LINGO2: variants seen among roughly 807,000 people sequenced by gnomAD.
LINGO2 encodes leucine rich repeat and Ig domain containing 2.
Under a neutral mutation model 30.6 loss-of-function variants are expected in LINGO2, and 14 were observed. The observed-to-expected ratio is 0.46, with a 90% CI of 0.30 to 0.72. The LOEUF is 0.72. Among genes scored for constraint, LINGO2 ranks in the 30% least tolerant of loss-of-function variants. LINGO2 has a pLI of 0.07. For missense variants in LINGO2, 729 were observed against 751.7 expected, an observed-to-expected ratio of 0.97 and a Z score of 0.35; for synonymous variants, 317 against 288.5, an observed-to-expected ratio of 1.10 and a Z score of -1.00.
rs1825346536 is a variant in LINGO2, at chr9:28,329,542, A to G, written c.-245-34176T>C. Among the ~76,000 whole-genome samples, 1 of 152,156 alleles carries G rather than the reference A, an allele frequency of 6.6e-6. No individual in the cohort carries two copies. The highest frequency in any genetic ancestry group is 2.1e-4 in the South Asian group (1 of 4,828). On this transcript the variant is annotated intron_variant, in intron 3 of 5. Transcript: ENST00000379992. The surrounding 1 kb of genome is among the most constrained non-coding windows in gnomAD (Gnocchi z 4.5). ...GACTCCTGGTACAACATGCATGTTC[A>G]GACTTGTTTGAGCCAGGGCTTCGGT...
chr9:28,217,108 T>A (rs561256707), intron 4 of LINGO2, among the ~76,000 whole-genome samples: 17 of 150,352 alleles, frequency 1.1e-4, no homozygotes, highest in Non-Finnish European at 2.2e-4. Context: ...ATATAATATG[T>A]AATATACTAA....
Position 28,045,135 on chromosome 9 carries a change from A to C in LINGO2, c.-86-32730T>G, listed in dbSNP as rs558951020. On this transcript the variant is annotated intron_variant, in intron 4 of 5. Transcript: ENST00000379992. ...CCCCCCATCCTTATGATCCCACATA[A>C]GCCATTTTCCGGTCCATTCCCACCA... Among the ~76,000 whole-genome samples, 3 of 152,100 alleles carry C rather than the reference A, an allele frequency of 2.0e-5. No individual in the cohort carries two copies. The South Asian group carries it at 6.2e-4, about 32-fold the overall frequency.
intron 1 of LINGO2, among the ~76,000 whole-genome samples, chr9:28,656,923 G>A (rs1828370755): frequency 6.6e-6 from 1 of 152,018 alleles, no homozygotes; most frequent in African/African-American, 2.4e-5. Flanking sequence ...GAGGAAGACA[G>A]ACAACAAATA....
intron 3 of LINGO2, among the ~76,000 whole-genome samples, chr9:28,368,594 CTTTTTT>C (rs60310040): frequency 2.5e-4 from 31 of 123,630 alleles, no homozygotes; most frequent in Non-Finnish European, 4.9e-4. Context: ...CTTTTCTTTT[CTTTTTT>C]TTTTTTTTCT....
At chr9:28,201,184 G>A (rs1464283269) in intron 4 of LINGO2, among the ~76,000 whole-genome samples, 77 of 147,220 alleles carry the variant, frequency 5.2e-4, no homozygotes, top group Non-Finnish European at 8.5e-4. Flanking sequence ...CCACTAACTC[G>A]TCATCTAGCA....
the LINGO2 span, among the ~76,000 whole-genome samples, chr9:28,702,522 C>A: frequency 6.6e-6 from 1 of 151,758 alleles, no homozygotes; most frequent in East Asian, 1.9e-4. Context: ...TTATAAATTG[C>A]TGTATTCAAT....
At chr9:28,549,450 T>C (rs1311104059) in intron 1 of LINGO2, among the ~76,000 whole-genome samples, 5 of 152,022 alleles carry the variant, frequency 3.3e-5, no homozygotes, top group Non-Finnish European at 5.9e-5. Context: ...TGACTGAGCA[T>C]GTGCTCAGTG....
chr9:28,153,178 C>T (rs1828044723), intron 4 of LINGO2, among the ~76,000 whole-genome samples: 2 of 152,144 alleles, frequency 1.3e-5, no homozygotes, highest in Non-Finnish European at 2.9e-5. Context: ...TTTGGCATAT[C>T]TAGTAAAATA....
chr9:29,111,938 A>ATATATTTATATATT, the LINGO2 span, among the ~76,000 whole-genome samples: 1 of 66,782 alleles, frequency 1.5e-5, no homozygotes, highest in African/African-American at 6.0e-5. Context: ...TGTATATATA[A>ATATATTTATATATT]TGTATTTAAT....
chr9:28,181,538 T>C (rs1341994811), intron 4 of LINGO2, among the ~76,000 whole-genome samples: 4 of 152,126 alleles, frequency 2.6e-5, no homozygotes, highest in Admixed American at 2.6e-4. Flanking sequence ...CCAGCAATGG[T>C]GTGTTAATAA....
At chr9:28,223,156 G>C (rs925701079) in intron 4 of LINGO2, among the ~76,000 whole-genome samples, 1 of 152,184 alleles carries the variant, frequency 6.6e-6, no homozygotes, top group African/African-American at 2.4e-5. Flanking sequence ...ATGTCCATTT[G>C]TGCTTCTGTA....
chr9:29,032,427 A>ATCTGTATTTT, the LINGO2 span, among the ~76,000 whole-genome samples: 1 of 152,154 alleles, frequency 6.6e-6, no homozygotes, highest in South Asian at 2.1e-4. Context: ...ACTACTTTTT[A>ATCTGTATTTT]AAATGTAGTA....
intron 1 of LINGO2, among the ~76,000 whole-genome samples, chr9:28,661,237 T>C (rs967982850): frequency 2.0e-5 from 3 of 152,170 alleles, no homozygotes; most frequent in African/African-American, 7.2e-5. Flanking sequence ...CTATCCATTC[T>C]GTGAATTTGT....
At chr9:28,054,449 G>C (rs751756794) in intron 4 of LINGO2, among the ~76,000 whole-genome samples, 2 of 152,100 alleles carry the variant, frequency 1.3e-5, no homozygotes, top group African/African-American at 4.8e-5. Flanking sequence ...CTGCTATACT[G>C]ACATATATAC....
chr9:28,995,631 C>A, the LINGO2 span, among the ~76,000 whole-genome samples: 1 of 152,078 alleles, frequency 6.6e-6, no homozygotes, highest in East Asian at 1.9e-4. Flanking sequence ...AAATGTCCAA[C>A]AATGACAGAC....
At chr9:29,095,683 A>G in the LINGO2 span, among the ~76,000 whole-genome samples, 1 of 138,956 alleles carries the variant, frequency 7.2e-6, no homozygotes, top group African/African-American at 2.7e-5. Flanking sequence ...CTCTTTAAAG[A>G]CCGGAAGATA....
At chr9:28,275,690 T>C (rs747765719) in intron 4 of LINGO2, among the ~76,000 whole-genome samples, 12 of 152,142 alleles carry the variant, frequency 7.9e-5, no homozygotes, top group Admixed American at 3.3e-4. Context: ...AAAACAAAGT[T>C]GAAAATTCAA....
intron 2 of LINGO2, among the ~76,000 whole-genome samples, chr9:28,415,025 G>A (rs1822911984): frequency 1.3e-5 from 2 of 152,072 alleles, no homozygotes. Context: ...TTAATGGTAT[G>A]TGGTCATTAA....
At chr9:28,935,260 C>T in the LINGO2 span, among the ~76,000 whole-genome samples, 1 of 152,174 alleles carries the variant, frequency 6.6e-6, no homozygotes, top group Non-Finnish European at 1.5e-5. Context: ...TTACATTCAA[C>T]CGGAATAACA....
Sources: allele counts gnomAD v4.1 joint callset (sites outside exome capture counted in the v4.1 genomes callset), GRCh38; gene constraint gnomAD v4.1.1; non-coding constraint Gnocchi (gnomAD v3.1); transcripts MANE v1.5; gene names NCBI Gene and HGNC (gene_info 2026-07-23, HGNC 2026-07-21).